LYSMD1: variants seen among roughly 807,000 people sequenced by gnomAD.
LYSMD1 encodes LysM domain containing 1.
In LYSMD1, 9 loss-of-function variants were observed where a neutral mutation model predicts 19.3. That is an observed-to-expected ratio of 0.47 (90% CI 0.28 to 0.81). The LOEUF (loss-of-function observed/expected upper bound fraction) is 0.81, where lower values mean the gene tolerates loss of function less well. Ranked by LOEUF, LYSMD1 falls within the 40% of genes least tolerant of loss-of-function variation. LYSMD1 has a pLI of 0.11. For synonymous variants in LYSMD1, 111 were observed against 111.7 expected, an observed-to-expected ratio of 0.99 and a Z score of 0.04; for missense variants, 262 against 279.8, an observed-to-expected ratio of 0.94 and a Z score of 0.45.
chr1:151,164,441 C>A (rs1488538067), intron 1 of LYSMD1, among the ~76,000 whole-genome samples: 1 of 152,126 alleles, frequency 6.6e-6, no homozygotes, highest in Non-Finnish European at 1.5e-5. Context: ...GGGGGAGTAA[C>A]CCCATCAACT....
the LYSMD1 span, among the ~76,000 whole-genome samples, chr1:151,153,275 T>G: frequency 6.6e-6 from 1 of 152,162 alleles, no homozygotes; most frequent in African/African-American, 2.4e-5. Flanking sequence ...GCAGGAGGTC[T>G]GTTTGAGTCC....
chr1:151,160,762 G>A lies in LYSMD1; in HGVS notation c.*120C>T. 1.6e-6 allele frequency: 2 copies of A among 1,273,048 alleles called. No individual in the cohort carries two copies. Among genetic ancestry groups the A allele is most frequent in the South Asian group, 1.5e-5 (1 of 66,334 alleles). The allele number at this position is 1,273,048 out of a possible 1,614,324, so 78.9% of individuals were successfully genotyped here. On this transcript the variant is annotated 3_prime_UTR_variant, in exon 3 of 3. Transcript: ENST00000368908. ...TTTTGGCAGACAAGGAGGCTGGGGA[G>A]GATGGCTGGAGTGGAGGGAGGCAGG... is the stretch of plus-strand genomic sequence containing the variant.
At chr1:151,156,122 A>G (rs2101677766), downstream of LYSMD1, among the ~76,000 whole-genome samples, 1 of 148,434 alleles carries the variant, frequency 6.7e-6, no homozygotes, top group East Asian at 1.9e-4. Context: ...AAAAAAAAAA[A>G]AAAAAGGCAA....
chr1:151,159,363 C>A, downstream of LYSMD1: 2 of 1,147,588 alleles, frequency 1.7e-6, no homozygotes, highest in Non-Finnish European at 2.4e-6. Context: ...AATCTTCAGG[C>A]TTCATTCCTT....
In LYSMD1 at chr1:151,161,843, G is replaced by A. The variant is rs1351866265; in HGVS notation, c.438C>T (p.Pro146=). 2 of 1,613,944 alleles carry A rather than the reference G, an allele frequency of 1.2e-6. No individual in the cohort carries two copies. The highest frequency in any genetic ancestry group is 1.3e-5 in the African/African-American group (1 of 75,006). ...EVLPTPGQET[P]TPIHDLSASD... ...AGGCAGAGAGGTCATGGATGGGCGTGGGGGTTTCCTGGCCAGGTGTGGGGA... is the reference window on the plus strand; with the variant it reads ...AGGCAGAGAGGTCATGGATGGGCGTAGGGGTTTCCTGGCCAGGTGTGGGGA... The change falls in exon 2 of 3, where the codon CCC becomes CCT. Residue 146 remains proline (P), a synonymous_variant. Transcript: ENST00000368908.
chr1:151,151,149 C>T, the LYSMD1 span, among the ~76,000 whole-genome samples: 2 of 152,006 alleles, frequency 1.3e-5, no homozygotes, highest in Non-Finnish European at 2.9e-5. Context: ...CAAGATAATC[C>T]GACAATGAGA....
downstream of LYSMD1, among the ~76,000 whole-genome samples, chr1:151,154,896 G>C (rs111822515): frequency 6.6e-6 from 1 of 152,006 alleles, no homozygotes; most frequent in South Asian, 2.1e-4. Flanking sequence ...CGCCCACCTC[G>C]GTGTCCCAAA....
At chr1:151,154,165 A>C in the LYSMD1 span, among the ~76,000 whole-genome samples, 1 of 152,120 alleles carries the variant, frequency 6.6e-6, no homozygotes, top group African/African-American at 2.4e-5. Flanking sequence ...ATCTGAGCTT[A>C]GTGGGTAGAC....
intron 1 of LYSMD1, among the ~76,000 whole-genome samples, chr1:151,163,160 C>G (rs1174865673): frequency 6.6e-6 from 1 of 152,022 alleles, no homozygotes; most frequent in African/African-American, 2.4e-5. Context: ...TGCTCCCACC[C>G]CCCTACTATC....
At chr1:151,150,778 C>T in the LYSMD1 span, among the ~76,000 whole-genome samples, 2,627 of 149,430 alleles carry the variant, frequency 0.018, 34 homozygotes, top group South Asian at 0.029. Flanking sequence ...TCTGTCGCCC[C>T]AGGCTGGAGT....
the LYSMD1 span, among the ~76,000 whole-genome samples, chr1:151,149,732 C>G: frequency 6.6e-6 from 1 of 152,198 alleles, no homozygotes; most frequent in African/African-American, 2.4e-5. Flanking sequence ...GCCTGGGCAA[C>G]AGAGCGAGAC....
Position 151,165,292 on chromosome 1 carries a change from AG to A in LYSMD1, c.-35del, listed in dbSNP as rs750082730. On this transcript the variant is annotated 5_prime_UTR_variant, in exon 1 of 3. Coordinates refer to ENST00000368908, the MANE Select transcript of LYSMD1 (RefSeq NM_212551.5). ...CCTGCCAACAGCTAAGGTTGCAACT[AG>A]GGGAGGTACGACCGAGACTGCGACT... The A allele has an allele frequency of 6.3e-7, 1 of 1,597,736 alleles. No individual in the cohort carries two copies.
chr1:151,165,856 G>T lies in LYSMD1; in HGVS notation c.-598C>A. On this transcript the variant is annotated 5_prime_UTR_variant, in exon 1 of 3. Coordinates refer to ENST00000368908, the MANE Select transcript of LYSMD1 (RefSeq NM_212551.5). ...CCTCCAAACGCCTCAGATCCGCCAAGATGCAAGGGCCTGGATCCAGTTGAG... is the reference window on the plus strand; with the variant it reads ...CCTCCAAACGCCTCAGATCCGCCAATATGCAAGGGCCTGGATCCAGTTGAG... 8.0e-7 allele frequency: 1 copy of T among 1,244,944 alleles called. No individual in the cohort carries two copies. The highest frequency in any genetic ancestry group is 2.0e-5 in the Admixed American group (1 of 50,618). The allele number at this position is 1,244,944 out of a possible 1,614,324, so 77.1% of individuals were successfully genotyped here. A position where few individuals can be genotyped will look rare whatever the true frequency, so the allele number is the denominator to read the frequency against.
At chr1:151,153,330 G>A in the LYSMD1 span, among the ~76,000 whole-genome samples, 1 of 152,160 alleles carries the variant, frequency 6.6e-6, no homozygotes, top group Non-Finnish European at 1.5e-5. Flanking sequence ...CTGTACTCCA[G>A]CCTGGGCAAG....
intron 1 of LYSMD1, among the ~76,000 whole-genome samples, chr1:151,162,509 G>T (rs754002243): frequency 2.6e-5 from 4 of 152,160 alleles, no homozygotes; most frequent in Non-Finnish European, 4.4e-5. Context: ...GAGAGGTTAA[G>T]CTACTTTCCT....
chr1:151,159,296 TGA>T, downstream of LYSMD1: 1 of 1,563,372 alleles, frequency 6.4e-7, no homozygotes, highest in Middle Eastern at 1.7e-4. Flanking sequence ...AATGGTTGAC[TGA>T]GAAAACACAG....
the LYSMD1 span, among the ~76,000 whole-genome samples, chr1:151,148,578 CATAA>C: frequency 6.6e-6 from 1 of 152,082 alleles, no homozygotes; most frequent in Non-Finnish European, 1.5e-5. Context: ...CTACATTGAA[CATAA>C]ATTTCCAAAT....
At position 151,165,532 on chromosome 1, in the gene LYSMD1, C is replaced by T. The variant is rs771400443; in HGVS notation, c.-274G>A. ...GACTTTGGACTCCCCCACAACTCCT[C>T]GCTACATTGACCTCTGACCTTTGAA... is the stretch of plus-strand genomic sequence containing the variant. On this transcript the variant is annotated 5_prime_UTR_variant, in exon 1 of 3. Coordinates refer to ENST00000368908, the MANE Select transcript of LYSMD1 (RefSeq NM_212551.5). 1.2e-5 allele frequency: 18 copies of T among 1,449,140 alleles called. No individual in the cohort carries two copies. The highest frequency in any genetic ancestry group is 1.6e-5 in the Non-Finnish European group (18 of 1,107,440). The allele number at this position is 1,449,140 out of a possible 1,614,324, so 89.8% of individuals were successfully genotyped here.
chr1:151,160,791 A>C lies in LYSMD1; in HGVS notation c.*91T>G. The C allele has an allele frequency of 6.8e-7, 1 of 1,471,426 alleles. No homozygotes were observed. The highest frequency in any genetic ancestry group is 2.3e-5 in the East Asian group (1 of 42,840). The allele number at this position is 1,471,426 out of a possible 1,614,324, so 91.1% of individuals were successfully genotyped here. A position where few individuals can be genotyped will look rare whatever the true frequency, so the allele number is the denominator to read the frequency against. ...GGCTGGAGTGGAGGGAGGCAGGCTCATAAGCCATGTTCTTGAGCCTCACCT... is the reference window on the plus strand; with the variant it reads ...GGCTGGAGTGGAGGGAGGCAGGCTCCTAAGCCATGTTCTTGAGCCTCACCT... On this transcript the variant is annotated 3_prime_UTR_variant, in exon 3 of 3. Transcript: ENST00000368908.
Sources: allele counts gnomAD v4.1 joint callset (sites outside exome capture counted in the v4.1 genomes callset), GRCh38; gene constraint gnomAD v4.1.1; transcripts MANE v1.5; gene names NCBI Gene and HGNC (gene_info 2026-07-23, HGNC 2026-07-21).